RWDD4: variants seen among roughly 807,000 people sequenced by gnomAD.
The protein encoded by RWDD4 is RWD domain-containing protein 4.
A neutral mutation model predicts 30.0 loss-of-function variants in RWDD4; 16 were observed. The observed-to-expected ratio is 0.53, with a 90% CI of 0.36 to 0.81. The LOEUF (loss-of-function observed/expected upper bound fraction) is 0.81. RWDD4 is among the 30% of genes least tolerant of loss of function. The pLI is 0.00. For missense variants in RWDD4, 170 were observed against 223.9 expected (o/e 0.76, Z 1.54); for synonymous variants, 45 against 72.1 (o/e 0.62, Z 1.90).
intron 2 of RWDD4, among the ~76,000 whole-genome samples, chr4:183,654,401 C>T (rs930760698): frequency 5.3e-5 from 8 of 152,154 alleles, no homozygotes; most frequent in Admixed American, 3.9e-4. Context: ...AACTAGGAGG[C>T]TACCAGACTA....
Position 183,654,178 on chromosome 4 carries a change from A to G in RWDD4, c.105+1703T>C, listed in dbSNP as rs78975026. Among the ~76,000 whole-genome samples the G allele has an allele frequency of 4.2e-3, 639 of 152,344 alleles. 8 individuals carry two copies. Among genetic ancestry groups the G allele is most frequent in the African/African-American group, 0.015 (609 of 41,570 alleles). The stretch of plus-strand genomic sequence containing the variant: ...GTCTAAGGCATGTGAGTGGAGGGGA[A>G]AGTTTGGAGACAGAAACAAACAGAA... On this transcript the variant is annotated intron_variant, in intron 2 of 7. Coordinates refer to ENST00000326397, the MANE Select transcript of RWDD4 (RefSeq NM_152682.4).
intron 1 of RWDD4, 116 bp downstream of exon 1, chr4:183,658,813 G>C: frequency 2.1e-6 from 2 of 967,434 alleles, no homozygotes; most frequent in East Asian, 3.3e-5. Flanking sequence ...CACCCCGGCC[G>C]GCTCCGAGGG....
At chr4:183,643,097 A>C (rs1354363582) in intron 7 of RWDD4, among the ~76,000 whole-genome samples, 1 of 136,122 alleles carries the variant, frequency 7.3e-6, no homozygotes, top group East Asian at 2.1e-4. Flanking sequence ...TAAATAAATA[A>C]ATAAATAAAA....
At chr4:183,649,735 T>C (rs1464942075) in intron 4 of RWDD4, among the ~76,000 whole-genome samples, 167 bp from the exon 5 acceptor site, 2 of 152,180 alleles carry the variant, frequency 1.3e-5, no homozygotes, top group African/African-American at 4.8e-5. Context: ...ACATTATTGG[T>C]TTTACTCTTT....
At chr4:183,655,441 C>T (rs181502903) in intron 2 of RWDD4, among the ~76,000 whole-genome samples, 11,565 of 151,510 alleles carry the variant, frequency 0.076, 560 homozygotes, top group East Asian at 0.18. Flanking sequence ...GCCACCATGC[C>T]CGGCTAATTT....
rs372554931 is a variant in RWDD4 at position 183,651,141 on chromosome 4, A to G, written c.216-10T>C. Reference sequence around the variant, plus strand: ...CTTTACAGCTGATGATCTACAATGCACAACAAAAATACCTTGCTGAGAGAA... The same window carrying G: ...CTTTACAGCTGATGATCTACAATGCGCAACAAAAATACCTTGCTGAGAGAA... On this transcript the variant is annotated splice_polypyrimidine_tract_variant and intron_variant, in intron 3 of 7. Transcript: ENST00000326397. The G allele has an allele frequency of 1.7e-5, 27 of 1,614,040 alleles. No individual in the cohort carries two copies. In the African/African-American group the frequency reaches 3.2e-4, roughly 19 times the overall value.
intron 2 of RWDD4, among the ~76,000 whole-genome samples, chr4:183,652,398 TTGCC>T: frequency 7.4e-6 from 1 of 136,006 alleles, no homozygotes; most frequent in Admixed American, 7.9e-5. Context: ...TCTCACTCCA[TTGCC>T]CAGGCTGGGG....
chr4:183,648,026 C>G (rs762320261), intron 5 of RWDD4, among the ~76,000 whole-genome samples: 2 of 151,910 alleles, frequency 1.3e-5, no homozygotes, highest in Admixed American at 6.6e-5. Context: ...TGGCAGATCA[C>G]GAGGTCAAGA....
chr4:183,650,821 T>C (rs541484756), intron 4 of RWDD4, among the ~76,000 whole-genome samples, 163 bp downstream of exon 4: 29 of 152,338 alleles, frequency 1.9e-4, no homozygotes, highest in Non-Finnish European at 3.5e-4. Flanking sequence ...CTAGGTTAAA[T>C]AGAAGAAATC....
intron 2 of RWDD4, 100 bp downstream of exon 2, chr4:183,655,781 A>C: frequency 1.5e-6 from 1 of 683,218 alleles, no homozygotes; most frequent in Non-Finnish European, 2.6e-6. Context: ...ATACAGACAT[A>C]ATAAATTTAA....
intron 3 of RWDD4, 35 bp from the exon 4 acceptor site, chr4:183,651,166 A>G (rs1734067391): frequency 6.2e-7 from 1 of 1,610,866 alleles, no homozygotes; most frequent in Non-Finnish European, 8.5e-7. Flanking sequence ...TGCTGAGAGA[A>G]AAGTATAACA....
intron 7 of RWDD4, among the ~76,000 whole-genome samples, chr4:183,644,368 C>T (rs1212171099): frequency 2.0e-5 from 3 of 152,184 alleles, no homozygotes. Flanking sequence ...TAAGTTAGGG[C>T]CCAACTCCCA....
intron 2 of RWDD4, among the ~76,000 whole-genome samples, chr4:183,655,493 C>T (rs1734173514): frequency 6.6e-6 from 1 of 151,964 alleles, no homozygotes; most frequent in Admixed American, 6.6e-5. Context: ...ACCATGTTGG[C>T]CAGGATGGTC....
At chr4:183,642,252 C>T (rs1349888812) in intron 7 of RWDD4, among the ~76,000 whole-genome samples, 1 of 80,068 alleles carries the variant, frequency 1.2e-5, no homozygotes, top group East Asian at 3.8e-4. Flanking sequence ...TGCAGTGGCG[C>T]GATCTCGGCT....
In RWDD4 at chr4:183,657,683, A is replaced by C. The variant is rs116723605; in HGVS notation, c.24+1246T>G. The stretch of plus-strand genomic sequence containing the variant: ...TGAAACAGGACATTTAAAAAATTAA[A>C]ATCTGTCCACAAACACGTGATTCCA... On this transcript the variant is annotated intron_variant, in intron 1 of 7. Coordinates refer to ENST00000326397, the MANE Select transcript of RWDD4 (RefSeq NM_152682.4). Among the ~76,000 whole-genome samples the C allele has an allele frequency of 2.3e-3, 351 of 152,370 alleles. 5 individuals carry two copies. The highest frequency in any genetic ancestry group is 7.9e-3 in the African/African-American group (329 of 41,580).
At chr4:183,644,784 AAAAAGAAAAG>A (rs59886232) in intron 7 of RWDD4, among the ~76,000 whole-genome samples, 32 of 148,880 alleles carry the variant, frequency 2.1e-4, no homozygotes, top group Admixed American at 5.3e-4. Flanking sequence ...CTTCAAAAAA[AAAAAGAAAAG>A]AAAAGAAAAG....
At chr4:183,652,216 C>CT (rs1206919760) in intron 2 of RWDD4, among the ~76,000 whole-genome samples, 4 of 152,184 alleles carry the variant, frequency 2.6e-5, no homozygotes, top group Non-Finnish European at 4.4e-5. Flanking sequence ...ATATTAAAAA[C>CT]TACCCAATCA....
intron 5 of RWDD4, among the ~76,000 whole-genome samples, chr4:183,646,759 T>C (rs1182453803): frequency 1.3e-5 from 2 of 152,230 alleles, no homozygotes; most frequent in Non-Finnish European, 2.9e-5. Context: ...GATATTGCTA[T>C]CCAAGACAAA....
Position 183,649,570 on chromosome 4 carries a change from T to TAAA in RWDD4, c.364-5_364-3dup. ...TGAGATGATATTGCTTATCGATGTC[T>TAAA]AAAAAAAAAAAGAAATAATTCTCAG... On this transcript the variant is annotated splice_region_variant and splice_polypyrimidine_tract_variant and intron_variant, in intron 4 of 7. Coordinates refer to ENST00000326397, the MANE Select transcript of RWDD4 (RefSeq NM_152682.4). 1.7e-6 allele frequency: 2 copies of TAAA among 1,207,538 alleles called. No homozygotes were observed. Among genetic ancestry groups the TAAA allele is most frequent in the Non-Finnish European group, 2.3e-6 (2 of 861,920 alleles). The allele number at this position is 1,207,538 out of a possible 1,614,324, so 74.8% of individuals were successfully genotyped here. A position where few individuals can be genotyped will look rare whatever the true frequency, so the allele number is the denominator to read the frequency against.
Sources: gnomAD v4.1 joint callset for allele counts (sites outside exome capture counted in the v4.1 genomes callset) on GRCh38, gnomAD v4.1.1 for gene constraint, MANE v1.5 for transcripts, NCBI Gene and HGNC (gene_info 2026-07-23, HGNC 2026-07-21) for gene names.